The following CEP250 variants were observed in gnomAD, a reference collection of about 807,000 sequenced individuals.
The protein encoded by CEP250 is centrosome-associated protein CEP250.
CEP250 carries 242 observed loss-of-function variants against 315.7 expected under a neutral mutation model. The ratio of observed to expected loss-of-function variants is 0.77; its 90% CI spans 0.69 to 0.85. The LOEUF (loss-of-function observed/expected upper bound fraction) is 0.85. Ranked by LOEUF, CEP250 falls within the 40% of genes least tolerant of loss-of-function variation. The pLI is 0.00. For synonymous variants in CEP250, 1,088 were observed against 1,175.0 expected, an observed-to-expected ratio of 0.93 and a Z score of 1.51; for missense variants, 2,515 against 2,886.4, an observed-to-expected ratio of 0.87 and a Z score of 2.95.
rs950975461 is a variant in CEP250, at chr20:35,505,069, T to G, written c.6636+64T>G. ...CCCCTGTCTGGCTGAGCTCAGGGAC[T>G]GCCCACCACCCTGGGCCCTGTGGCA... On this transcript the variant is annotated intron_variant, in intron 30 of 34. Coordinates refer to ENST00000397527, the MANE Select transcript of CEP250 (RefSeq NM_007186.6). 1.0e-5 allele frequency: 14 copies of G among 1,399,382 alleles called. No individual in the cohort carries two copies. In the Middle Eastern group the frequency reaches 7.7e-4, roughly 77 times the overall value. The allele number at this position is 1,399,382 out of a possible 1,614,324, so 86.7% of individuals were successfully genotyped here.
chr20:35,487,180 T>C (rs529109759), intron 20 of CEP250, among the ~76,000 whole-genome samples: 2 of 152,114 alleles, frequency 1.3e-5, no homozygotes, highest in East Asian at 1.9e-4. Flanking sequence ...AGAAGCACTC[T>C]TGGGAGGCCG....
At position 35,515,450 on chromosome 20, in the gene CEP250, T is replaced by C. The variant is rs1354209643; in HGVS notation, c.*3824T>C. The C allele has an allele frequency of 1.3e-5, 2 of 152,220 alleles. No homozygotes were observed. The highest frequency in any genetic ancestry group is 2.9e-5 in the Non-Finnish European group (2 of 68,082). The allele number at this position is 152,220 out of a possible 1,614,324, so 9.4% of individuals were successfully genotyped here. On this transcript the variant is annotated 3_prime_UTR_variant, in exon 35 of 35. Transcript: ENST00000397527. ...CAGGCTTTGTAGATGCGGGGCTGAA[T>C]TGAGCAGCCACAGAACCTCTGCAGC...
rs2064445602 is a variant in CEP250 at position 35,517,378 on chromosome 20, T to C, written c.*5752T>C. On this transcript the variant is annotated 3_prime_UTR_variant, in exon 35 of 35. Coordinates refer to ENST00000397527, the MANE Select transcript of CEP250 (RefSeq NM_007186.6). Reference sequence around the variant, plus strand: ...GCACCACCCTGTGCCAAAGCTGGCATGTTGTATATCTGAGAGAGGAGCTGC... The same window carrying C: ...GCACCACCCTGTGCCAAAGCTGGCACGTTGTATATCTGAGAGAGGAGCTGC... The C allele has an allele frequency of 6.6e-6, 1 of 152,182 alleles. No individual in the cohort carries two copies. The highest frequency in any genetic ancestry group is 1.5e-5 in the Non-Finnish European group (1 of 68,038). The allele number at this position is 152,182 out of a possible 1,614,324, so 9.4% of individuals were successfully genotyped here. A position where few individuals can be genotyped will look rare whatever the true frequency, so the allele number is the denominator to read the frequency against.
Position 35,503,312 on chromosome 20 carries a change from A to G in CEP250, c.4943A>G (p.His1648Arg), listed in dbSNP as rs182102263. The change falls in exon 30 of 35, where the codon CAT (histidine) becomes CGT (arginine). Residue 1648 changes from histidine (H) to arginine (R), a missense_variant. Transcript: ENST00000397527. The surrounding 1 kb of genome is among the most constrained non-coding windows in gnomAD (Gnocchi z 4.2). ...QIEELQRQKEHLTQDLERRDQ... is the reference protein window; with the variant it reads ...QIEELQRQKERLTQDLERRDQ... Reference sequence around the variant, plus strand: ...GAGGAGCTGCAGAGGCAGAAAGAGCATCTGACTCAGGATCTCGAGAGGAGA... The same window carrying G: ...GAGGAGCTGCAGAGGCAGAAAGAGCGTCTGACTCAGGATCTCGAGAGGAGA... 7.4e-6 allele frequency: 12 copies of G among 1,614,186 alleles called. No homozygotes were observed. In the East Asian group the frequency reaches 1.6e-4, roughly 21 times the overall value.
intron 16 of CEP250, 192 bp downstream of exon 16, chr20:35,476,787 G>A (rs1391325527): frequency 2.0e-6 from 1 of 507,754 alleles, no homozygotes; most frequent in Admixed American, 3.3e-5. Flanking sequence ...ACCACCTCTG[G>A]ACTTCAGGGT....
chr20:35,499,536 A>G (rs2063941689), intron 27 of CEP250, among the ~76,000 whole-genome samples: 1 of 152,254 alleles, frequency 6.6e-6, no homozygotes, highest in Admixed American at 6.5e-5. Context: ...TGGGTATACA[A>G]AAAGGAGAAA....
intron 13 of CEP250, 84 bp from the exon 14 acceptor site, chr20:35,473,786 G>A: frequency 8.0e-7 from 1 of 1,256,550 alleles, no homozygotes; most frequent in Non-Finnish European, 1.1e-6. Context: ...TGTTGAAACA[G>A]GGTCTCTTGG....
chr20:35,499,951 G>T, intron 27 of CEP250, 98 bp from the exon 28 acceptor site: 1 of 1,492,242 alleles, frequency 6.7e-7, no homozygotes, highest in Non-Finnish European at 9.2e-7. Context: ...CACAATGGCG[G>T]CCCACCACAG....
chr20:35,494,735 C>G, intron 24 of CEP250, 78 bp downstream of exon 24: 1 of 1,542,694 alleles, frequency 6.5e-7, no homozygotes, highest in Non-Finnish European at 8.8e-7. Flanking sequence ...GTTGTTTGCT[C>G]AGGCCACCTT....
intron 20 of CEP250, among the ~76,000 whole-genome samples, chr20:35,483,051 T>C (rs1434371787): frequency 6.6e-6 from 1 of 152,014 alleles, no homozygotes; most frequent in Non-Finnish European, 1.5e-5. Flanking sequence ...CCAATTGCAG[T>C]GGCTCATGCC....
chr20:35,478,185 G>C lies in CEP250; in HGVS notation c.2094+84G>C. The C allele has an allele frequency of 3.3e-6, 3 of 913,682 alleles. No individual in the cohort carries two copies. The East Asian group carries it at 7.8e-5, about 24-fold the overall frequency. The allele number at this position is 913,682 out of a possible 1,614,324, so 56.6% of individuals were successfully genotyped here. On this transcript the variant is annotated intron_variant, in intron 17 of 34. Coordinates refer to ENST00000397527, the MANE Select transcript of CEP250 (RefSeq NM_007186.6). Reference sequence around the variant, plus strand: ...ATTAAAACACTACAGAAATTATCTGGAAAGTGAAAAAGTCTTACTTCCTAG... The same window carrying C: ...ATTAAAACACTACAGAAATTATCTGCAAAGTGAAAAAGTCTTACTTCCTAG...
intron 1 of CEP250, among the ~76,000 whole-genome samples, chr20:35,457,721 C>A (rs2062662956): frequency 6.6e-6 from 1 of 152,108 alleles, no homozygotes; most frequent in South Asian, 2.1e-4. Flanking sequence ...ATTGCCTGAA[C>A]CGGGGAGGCA....
In CEP250 at chr20:35,517,038, G is replaced by A. The variant is rs1354158354; in HGVS notation, c.*5412G>A. On this transcript the variant is annotated 3_prime_UTR_variant, in exon 35 of 35. Transcript: ENST00000397527. Reference sequence around the variant, plus strand: ...CAGACACCGGGCACTGAGAAAAGTGGGAAGCCATGGTCACAGACTCTACAT... The same window carrying A: ...CAGACACCGGGCACTGAGAAAAGTGAGAAGCCATGGTCACAGACTCTACAT... 1.0e-6 allele frequency: 1 copy of A among 985,362 alleles called. No individual in the cohort carries two copies. Among genetic ancestry groups the A allele is most frequent in the Non-Finnish European group, 1.2e-6 (1 of 829,954 alleles). 61.0% of individuals were successfully genotyped at this position (985,362 alleles called of 1,614,324 possible). A position where few individuals can be genotyped will look rare whatever the true frequency, so the allele number is the denominator to read the frequency against.
At position 35,498,643 on chromosome 20, in the gene CEP250, C is replaced by A; in HGVS notation, c.3704C>A (p.Ala1235Asp). 1 of 1,608,372 alleles carries A rather than the reference C, an allele frequency of 6.2e-7. No individual in the cohort carries two copies. The change falls in exon 27 of 35, where the codon GCT (alanine) becomes GAT (aspartate). Residue 1235 changes from alanine (A) to aspartate (D), a missense_variant. Physicochemically the swap from Ala to Asp is moderately radical, Grantham distance 126. Transcript: ENST00000397527. ...TTTAAGAGAGGGCCCCTGCTGACTG[C>A]TCTCTCCGCTGAGGCAGTAGCATCT... ...SLFKRGPLLT[A>D]LSAEAVASAL...
At chr20:35,474,080 G>C in intron 14 of CEP250, 28 bp downstream of exon 14, 1 of 1,486,172 alleles carries the variant, frequency 6.7e-7, no homozygotes. Context: ...CCTCCTCGCT[G>C]GGCCCTGGTC....
chr20:35,477,015 AT>A (rs928180884), intron 16 of CEP250, among the ~76,000 whole-genome samples: 60 of 145,248 alleles, frequency 4.1e-4, no homozygotes, highest in East Asian at 6.0e-4. Flanking sequence ...CACCTGGCTA[AT>A]TTTTTTTTTT....
At chr20:35,472,974 T>A in intron 12 of CEP250, 143 bp downstream of exon 12, 1 of 747,020 alleles carries the variant, frequency 1.3e-6, no homozygotes. Context: ...AGAGTAAATC[T>A]GCCTATGTCT....
rs2063915065 is a variant in CEP250, at chr20:35,498,629, G to A, written c.3690G>A (p.Gly1230=). The A allele has an allele frequency of 6.2e-7, 1 of 1,605,820 alleles. No homozygotes were observed. Among genetic ancestry groups the A allele is most frequent in the Non-Finnish European group, 8.5e-7 (1 of 1,177,664 alleles). The change falls in exon 27 of 35, where the codon GGG becomes GGA. Residue 1230 remains glycine, a synonymous_variant. Coordinates refer to ENST00000397527, the MANE Select transcript of CEP250 (RefSeq NM_007186.6). Reference sequence around the variant, plus strand: ...GAGCTAGGAGCCTCTTTAAGAGAGGGCCCCTGCTGACTGCTCTCTCCGCTG... The same window carrying A: ...GAGCTAGGAGCCTCTTTAAGAGAGGACCCCTGCTGACTGCTCTCTCCGCTG... ...QNGARSLFKR[G]PLLTALSAEA...
chr20:35,471,776 A>T lies in CEP250; in HGVS notation c.949-274A>T, dbSNP rs546746651. Among the ~76,000 whole-genome samples, 4 of 152,386 alleles carry T rather than the reference A, an allele frequency of 2.6e-5. No homozygotes were observed. In the East Asian group the frequency reaches 7.7e-4, roughly 29 times the overall value. The stretch of plus-strand genomic sequence containing the variant: ...TGCTGTAATTATTTCTATTTTAAAG[A>T]AAAAGAAGTAAGTGATAGAAGCTAG... On this transcript the variant is annotated intron_variant, in intron 10 of 34. Coordinates refer to ENST00000397527, the MANE Select transcript of CEP250 (RefSeq NM_007186.6).
Sources: allele counts gnomAD v4.1 joint callset (sites outside exome capture counted in the v4.1 genomes callset), GRCh38; gene constraint gnomAD v4.1.1; non-coding constraint Gnocchi (gnomAD v3.1); transcripts MANE v1.5; gene names NCBI Gene and HGNC (gene_info 2026-07-23, HGNC 2026-07-21).